GLT1D1: variants seen among roughly 807,000 people sequenced by gnomAD.
GLT1D1 encodes the protein glycosyltransferase 1 domain-containing protein 1.
In GLT1D1, 21 loss-of-function variants were observed where a neutral mutation model predicts 28.7. The ratio of observed to expected loss-of-function variants is 0.73; its 90% CI spans 0.52 to 1.05. The LOEUF (loss-of-function observed/expected upper bound fraction) is 1.05. Among genes scored for constraint, GLT1D1 ranks in the 50% least tolerant of loss-of-function variants. The pLI, the probability that GLT1D1 is intolerant of heterozygous loss-of-function variation, is 0.00. For missense variants in GLT1D1, 343 were observed against 330.6 expected (o/e 1.04, Z -0.29); for synonymous variants, 147 against 124.8 (o/e 1.18, Z -1.19).
At chr12:128,940,204 T>C (rs895442234) in intron 4 of GLT1D1, among the ~76,000 whole-genome samples, 1 of 152,136 alleles carries the variant, frequency 6.6e-6, no homozygotes, top group Non-Finnish European at 1.5e-5. Context: ...ATTTTTCTAA[T>C]AAGACTTCGA....
At chr12:128,870,582 G>A (rs924765287) in intron 1 of GLT1D1, among the ~76,000 whole-genome samples, 2 of 152,222 alleles carry the variant, frequency 1.3e-5, no homozygotes, top group Non-Finnish European at 2.9e-5. Flanking sequence ...ATTTAAAGGT[G>A]TTGCAAGTCA....
At chr12:128,980,165 C>G (rs1001410671) in intron 7 of GLT1D1, among the ~76,000 whole-genome samples, 1 of 152,314 alleles carries the variant, frequency 6.6e-6, no homozygotes, top group South Asian at 2.1e-4. Context: ...CATCCCGGGA[C>G]CTTTGCCATA....
chr12:128,952,472 T>TC (rs3045015), intron 6 of GLT1D1, among the ~76,000 whole-genome samples: 9 of 142,780 alleles, frequency 6.3e-5, no homozygotes, highest in African/African-American at 1.6e-4. Context: ...TTTCTTTCTT[T>TC]TTTTTTTTTT....
intron 4 of GLT1D1, among the ~76,000 whole-genome samples, chr12:128,939,417 A>T (rs1404525050): frequency 6.6e-6 from 1 of 150,452 alleles, no homozygotes; most frequent in African/African-American, 2.4e-5. Context: ...AAAAAAAAAA[A>T]GTACACATTT....
Position 128,881,801 on chromosome 12 carries a change from A to C in GLT1D1, c.217+5739A>C, listed in dbSNP as rs142673290. On this transcript the variant is annotated intron_variant, in intron 2 of 7. Coordinates refer to ENST00000281703, the MANE Select transcript of GLT1D1 (RefSeq NM_144669.3). ...ATATTTTAAAAATTGCAATCATATT[A>C]TACTTTTAATTGCGTAACCTATTTT... Among the ~76,000 whole-genome samples the C allele has an allele frequency of 6.1e-3, 927 of 151,514 alleles. 8 individuals carry two copies. The highest frequency in any genetic ancestry group is 0.021 in the African/African-American group (874 of 41,298).
intron 3 of GLT1D1, among the ~76,000 whole-genome samples, chr12:128,891,072 C>T (rs926311426): frequency 1.3e-5 from 2 of 148,208 alleles, no homozygotes; most frequent in African/African-American, 2.5e-5. Flanking sequence ...GTTGCCATTG[C>T]ACTCTAGCCT....
chr12:128,899,754 G>A (rs1033154028), intron 4 of GLT1D1, among the ~76,000 whole-genome samples: 9 of 151,990 alleles, frequency 5.9e-5, no homozygotes, highest in African/African-American at 1.7e-4. Context: ...ATTTCACCAC[G>A]TTGGTCAGGC....
At chr12:128,970,615 C>T (rs538115659) in intron 7 of GLT1D1, among the ~76,000 whole-genome samples, 2 of 152,260 alleles carry the variant, frequency 1.3e-5, no homozygotes, top group Non-Finnish European at 2.9e-5. Context: ...TGCGCTGCCC[C>T]CTCCTCGTTC....
intron 6 of GLT1D1, among the ~76,000 whole-genome samples, chr12:128,954,869 GC>G (rs957403357): frequency 3.3e-5 from 5 of 152,194 alleles, no homozygotes; most frequent in African/African-American, 1.2e-4. Context: ...TGGGAGGATT[GC>G]TTGAGCCCAG....
intron 2 of GLT1D1, among the ~76,000 whole-genome samples, chr12:128,888,121 T>C (rs894131195): frequency 2.0e-5 from 3 of 152,220 alleles, no homozygotes; most frequent in Non-Finnish European, 4.4e-5. Flanking sequence ...ATTTTGGCCC[T>C]TATCCTAGTT....
At chr12:128,976,184 A>G (rs957192891) in intron 7 of GLT1D1, among the ~76,000 whole-genome samples, 1 of 152,238 alleles carries the variant, frequency 6.6e-6, no homozygotes, top group Non-Finnish European at 1.5e-5. Flanking sequence ...AATCTGTCCC[A>G]TGACCAAATA....
chr12:128,973,693 C>T (rs1359201354), intron 7 of GLT1D1, among the ~76,000 whole-genome samples: 3 of 152,000 alleles, frequency 2.0e-5, no homozygotes, highest in Admixed American at 1.3e-4. Flanking sequence ...TCAAGATGCC[C>T]ACCTTCTCCC....
At chr12:128,856,711 T>G (rs956453438) in intron 1 of GLT1D1, among the ~76,000 whole-genome samples, 3 of 152,050 alleles carry the variant, frequency 2.0e-5, no homozygotes, top group African/African-American at 4.8e-5. Context: ...ATCTGGCTTG[T>G]ACATGTGGTG....
At chr12:128,884,917 A>AT (rs35860101) in intron 2 of GLT1D1, among the ~76,000 whole-genome samples, 6,643 of 136,162 alleles carry the variant, frequency 0.049, 204 homozygotes, top group South Asian at 0.094. Context: ...AATTAGCTTG[A>AT]TTTTTTTTTT....
intron 4 of GLT1D1, among the ~76,000 whole-genome samples, chr12:128,899,786 A>G (rs1870044158): frequency 6.6e-6 from 1 of 152,056 alleles, no homozygotes; most frequent in Non-Finnish European, 1.5e-5. Context: ...TACTGGCCTC[A>G]AATGATCTGC....
chr12:128,952,434 T>TGGGGG (rs554517583), intron 6 of GLT1D1, among the ~76,000 whole-genome samples: 1 of 74,880 alleles, frequency 1.3e-5, no homozygotes, highest in East Asian at 4.8e-4. Context: ...AGGGTGGGGG[T>TGGGGG]GGGGGGGGGT....
intron 2 of GLT1D1, among the ~76,000 whole-genome samples, chr12:128,885,681 G>A (rs1419495978): frequency 6.6e-6 from 1 of 152,210 alleles, no homozygotes; most frequent in Non-Finnish European, 1.5e-5. Context: ...GGTCAAATTA[G>A]CTTTGACATA....
At chr12:128,982,868 T>G (rs1234995817) in intron 7 of GLT1D1, 61 bp from the exon 12 acceptor site, 2 of 1,517,856 alleles carry the variant, frequency 1.3e-6, no homozygotes, top group Non-Finnish European at 9.1e-7. Flanking sequence ...GGATCTTGGG[T>G]GCATTTGCAA....
intron 7 of GLT1D1, among the ~76,000 whole-genome samples, chr12:128,978,633 C>T (rs1880022569): frequency 6.6e-6 from 1 of 152,100 alleles, no homozygotes; most frequent in Non-Finnish European, 1.5e-5. Flanking sequence ...GATCCAGACC[C>T]CAAGAGAGGG....
Sources: gnomAD v4.1 joint callset for allele counts (sites outside exome capture counted in the v4.1 genomes callset) on GRCh38, gnomAD v4.1.1 for gene constraint, MANE v1.5 for transcripts, NCBI Gene and HGNC (gene_info 2026-07-23, HGNC 2026-07-21) for gene names.